GPR160: variants seen among roughly 807,000 people sequenced by gnomAD.
The protein encoded by GPR160 is probable G protein-coupled receptor 160.
Under a neutral mutation model 2.6 loss-of-function variants are expected in GPR160, and 2 were observed. That is an observed-to-expected ratio of 0.77 (90% CI 0.32 to 2.44). GPR160 has a LOEUF of 2.44. GPR160 is among the 30% of genes most tolerant of loss of function. The pLI, the probability that GPR160 is intolerant of heterozygous loss-of-function variation, is 0.11. For synonymous variants in GPR160, 130 were observed against 132.2 expected, an observed-to-expected ratio of 0.98 and a Z score of 0.12; for missense variants, 351 against 383.6, an observed-to-expected ratio of 0.91 and a Z score of 0.71.
chr3:170,056,281 C>T (rs764682515), intron 2 of GPR160, among the ~76,000 whole-genome samples: 1 of 152,114 alleles, frequency 6.6e-6, no homozygotes, highest in African/African-American at 2.4e-5. Flanking sequence ...TATACATCAC[C>T]AGAATACTAA....
chr3:170,066,130 C>CT (rs768660597), intron 2 of GPR160, among the ~76,000 whole-genome samples: 1,244 of 84,908 alleles, frequency 0.015, 155 homozygotes, highest in African/African-American at 0.052. Context: ...TTTTCTTTTT[C>CT]TTTTTTTTTT....
In GPR160 at chr3:170,041,980, C is replaced by T. The variant is rs534532898; in HGVS notation, c.-193+2937C>T. 4.6e-5 allele frequency among the ~76,000 whole-genome samples: 7 copies of T among 152,262 alleles called. No individual in the cohort carries two copies. In the East Asian group the frequency reaches 9.6e-4, roughly 21 times the overall value. On this transcript the variant is annotated intron_variant, in intron 2 of 3. Coordinates refer to ENST00000355897, the MANE Select transcript of GPR160 (RefSeq NM_014373.3). ...ACTTACCACAAATGTGACACCATTT[C>T]GCCCTGATTCACATTATTAAGGGTA...
At chr3:170,060,649 T>C (rs1354882592) in intron 2 of GPR160, among the ~76,000 whole-genome samples, 1 of 152,118 alleles carries the variant, frequency 6.6e-6, no homozygotes. Context: ...CACACCTCTA[T>C]AGTCCTAGCT....
chr3:170,070,354 G>C (rs1032687681), intron 2 of GPR160, among the ~76,000 whole-genome samples: 5 of 152,142 alleles, frequency 3.3e-5, no homozygotes, highest in African/African-American at 1.2e-4. Flanking sequence ...ATCAGTAGTT[G>C]AATCTACAGG....
chr3:170,039,794 A>C (rs1016106606), intron 2 of GPR160, among the ~76,000 whole-genome samples: 13 of 152,248 alleles, frequency 8.5e-5, no homozygotes, highest in Non-Finnish European at 1.3e-4. Context: ...AGTTCTGTTT[A>C]GTTACTTTTG....
In GPR160 at chr3:170,084,387, T is replaced by C. The variant is rs1477269542; in HGVS notation, c.415T>C (p.Tyr139His). Residue 139 changes from tyrosine (Y) to histidine (H), a missense_variant, in exon 4 of 4, where the codon TAT becomes CAT. Tyr to His is a moderately conservative substitution (Grantham distance 83, BLOSUM62 2). Transcript: ENST00000355897. ...TTCATTTAAGTGTCAAAAATTATTTTATTTCTTTACAGTAATTTTAATTTG... is the reference window on the plus strand; with the variant it reads ...TTCATTTAAGTGTCAAAAATTATTTCATTTCTTTACAGTAATTTTAATTTG... ...KLSFKCQKLF[Y>H]FFTVILIWIS... 1 of 1,607,580 alleles carries C rather than the reference T, an allele frequency of 6.2e-7. No homozygotes were observed. The highest frequency in any genetic ancestry group is 2.2e-5 in the East Asian group (1 of 44,820).
chr3:170,044,607 C>A (rs1716620539), intron 2 of GPR160, among the ~76,000 whole-genome samples: 1 of 152,124 alleles, frequency 6.6e-6, no homozygotes, highest in African/African-American at 2.4e-5. Flanking sequence ...GTCTTGTGCA[C>A]CTTGGCGGTT....
In GPR160 at chr3:170,084,843, G is replaced by A. The variant is rs1001508653; in HGVS notation, c.871G>A (p.Val291Met). 5 of 1,610,466 alleles carry A rather than the reference G, an allele frequency of 3.1e-6. No individual in the cohort carries two copies. Among genetic ancestry groups the A allele is most frequent in the East Asian group, 2.2e-5 (1 of 44,798 alleles). ...YFVNSFLIATVYWFNCHKLNL... is the reference protein window; with the variant it reads ...YFVNSFLIATMYWFNCHKLNL... ...TGTCAATAGTTTTCTCATTGCTACA[G>A]TGTATTGGTTTAATTGTCACAAGCT... is the stretch of plus-strand genomic sequence containing the variant. The change falls in exon 4 of 4, where the codon GTG (valine) becomes ATG (methionine). Residue 291 changes from valine to methionine, a missense_variant. Physicochemically the swap from Val to Met is conservative, Grantham distance 21. Coordinates refer to ENST00000355897, the MANE Select transcript of GPR160 (RefSeq NM_014373.3).
intron 2 of GPR160, among the ~76,000 whole-genome samples, chr3:170,064,775 T>C (rs1392833152): frequency 2.6e-5 from 4 of 151,932 alleles, no homozygotes; most frequent in African/African-American, 4.8e-5. Flanking sequence ...GCCTCGGCCT[T>C]CCAAAGTGCT....
In GPR160 at chr3:170,042,468, A is replaced by C. The variant is rs892288461; in HGVS notation, c.-193+3425A>C. 4.0e-5 allele frequency among the ~76,000 whole-genome samples: 6 copies of C among 150,974 alleles called. No homozygotes were observed. In the East Asian group the frequency reaches 1.2e-3, roughly 29 times the overall value. ...AAGAAATCTAAAGAAGATTGCTTTA[A>C]ATCACATCTTTAGGGAGACAGGGAA... On this transcript the variant is annotated intron_variant, in intron 2 of 3. Coordinates refer to ENST00000355897, the MANE Select transcript of GPR160 (RefSeq NM_014373.3).
chr3:170,049,583 A>G (rs1716868223), intron 2 of GPR160, among the ~76,000 whole-genome samples: 1 of 152,234 alleles, frequency 6.6e-6, no homozygotes, highest in Non-Finnish European at 1.5e-5. Flanking sequence ...GACACTGGGT[A>G]GTGTGGTCTG....
chr3:170,050,240 C>CTTT (rs958716794), intron 2 of GPR160, among the ~76,000 whole-genome samples: 3 of 138,230 alleles, frequency 2.2e-5, no homozygotes, highest in African/African-American at 8.0e-5. Context: ...ACTTCTTCTT[C>CTTT]TTTTTTTTTT....
intron 2 of GPR160, chr3:170,062,588 CA>C (rs1442541901): frequency 1.7e-6 from 2 of 1,143,892 alleles, no homozygotes; most frequent in East Asian, 2.5e-5. Context: ...TTTTCCAAAC[CA>C]AAAATGTGAA....
At chr3:170,082,222 T>C (rs568842593) in intron 3 of GPR160, among the ~76,000 whole-genome samples, 21 of 152,360 alleles carry the variant, frequency 1.4e-4, no homozygotes, top group Middle Eastern at 6.8e-3. Flanking sequence ...TGCTGCATAA[T>C]TTTGTAACCT....
Position 170,084,875 on chromosome 3 carries a change from A to C in GPR160, c.903A>C (p.Leu301Phe). Residue 301 changes from leucine to phenylalanine, a missense_variant, in exon 4 of 4, where the codon TTA becomes TTC. By Grantham distance (22) the Leu-to-Phe change is conservative (BLOSUM62 0). Coordinates refer to ENST00000355897, the MANE Select transcript of GPR160 (RefSeq NM_014373.3). ...GGTTTAATTGTCACAAGCTTAATTT[A>C]AAAGACATTGGATTACCTTTGGATC... ...VYWFNCHKLN[L>F]KDIGLPLDPF... is the part of the protein sequence containing the mutation. The C allele has an allele frequency of 6.2e-7, 1 of 1,608,628 alleles. No homozygotes were observed. The highest frequency in any genetic ancestry group is 1.1e-5 in the South Asian group (1 of 90,892).
intron 3 of GPR160, chr3:170,083,323 A>G (rs1431443945): frequency 6.6e-6 from 1 of 152,110 alleles, no homozygotes; most frequent in African/African-American, 2.4e-5. Flanking sequence ...GAAGATAAAC[A>G]CTTTTCTTTC....
intron 2 of GPR160, among the ~76,000 whole-genome samples, chr3:170,042,065 T>A (rs1175990413): frequency 6.6e-6 from 1 of 152,168 alleles, no homozygotes; most frequent in Non-Finnish European, 1.5e-5. Context: ...GGAAAGAGTG[T>A]TGGCAATCTA....
chr3:170,042,305 C>G (rs900132756), intron 2 of GPR160, among the ~76,000 whole-genome samples: 9 of 150,796 alleles, frequency 6.0e-5, no homozygotes, highest in Non-Finnish European at 1.0e-4. Context: ...CCTGTAGTCC[C>G]AGCTACTCAG....
intron 2 of GPR160, among the ~76,000 whole-genome samples, chr3:170,047,836 T>C (rs1046143325): frequency 2.2e-5 from 2 of 89,210 alleles, no homozygotes; most frequent in Non-Finnish European, 4.1e-5. Context: ...GACATTATTC[T>C]TTTTTTTTTT....
Sources: allele counts gnomAD v4.1 joint callset (sites outside exome capture counted in the v4.1 genomes callset), GRCh38; gene constraint gnomAD v4.1.1; transcripts MANE v1.5; gene names NCBI Gene and HGNC (gene_info 2026-07-23, HGNC 2026-07-21).